NTRK3: variants seen among roughly 807,000 people sequenced by gnomAD.
NTRK3 encodes neurotrophic receptor tyrosine kinase 3, also known as NT-3 growth factor receptor.
A neutral mutation model predicts 91.7 loss-of-function variants in NTRK3; 24 were observed. The ratio of observed to expected loss-of-function variants is 0.26; its 90% CI spans 0.19 to 0.37. The LOEUF is 0.37. NTRK3 is among the 10% of genes least tolerant of loss of function. The probability of loss-of-function intolerance (pLI) is 1.00; values close to 1 mark genes in which losing one functional copy is unlikely to be tolerated. For synonymous variants in NTRK3, 483 were observed against 404.0 expected, an observed-to-expected ratio of 1.20 and a Z score of -2.34; for missense variants, 880 against 1,068.9, an observed-to-expected ratio of 0.82 and a Z score of 2.46.
chr15:87,981,124 C>T (rs201478127), intron 14 of NTRK3: 76 of 1,538,380 alleles, frequency 4.9e-5, no homozygotes, highest in East Asian at 7.4e-5. Flanking sequence ...CCTCAGTCCA[C>T]GAAATATATG....
At chr15:87,894,680 G>T (rs2141597006) in intron 17 of NTRK3, among the ~76,000 whole-genome samples, 1 of 152,276 alleles carries the variant, frequency 6.6e-6, no homozygotes, top group Middle Eastern at 3.4e-3. Flanking sequence ...TTCCTGGAAT[G>T]AACCTTTCTC....
chr15:87,919,346 G>A (rs185147312), intron 17 of NTRK3, among the ~76,000 whole-genome samples: 7 of 152,276 alleles, frequency 4.6e-5, no homozygotes, highest in Non-Finnish European at 7.4e-5. Flanking sequence ...CCACTGCAGG[G>A]AGAATTCACA....
At chr15:88,191,442 C>T (rs2047382918) in intron 3 of NTRK3, among the ~76,000 whole-genome samples, 1 of 152,162 alleles carries the variant, frequency 6.6e-6, no homozygotes, top group South Asian at 2.1e-4. Context: ...CCTGCCTAGG[C>T]CTCCGGATGT....
At chr15:88,057,573 G>A (rs2045834769) in intron 13 of NTRK3, among the ~76,000 whole-genome samples, 1 of 152,184 alleles carries the variant, frequency 6.6e-6, no homozygotes, top group South Asian at 2.1e-4. Flanking sequence ...ATTCCAGAAG[G>A]TGGAGCAACG....
chr15:88,046,663 AG>A (rs3837702), intron 13 of NTRK3, among the ~76,000 whole-genome samples: 2 of 152,086 alleles, frequency 1.3e-5, no homozygotes, highest in East Asian at 1.9e-4. Context: ...CCGTTTTCTC[AG>A]GGGGGGTCAC....
At chr15:88,022,308 C>T (rs960739503) in intron 14 of NTRK3, among the ~76,000 whole-genome samples, 3 of 152,100 alleles carry the variant, frequency 2.0e-5, no homozygotes, top group Admixed American at 6.5e-5. Flanking sequence ...AGGAGAAGCA[C>T]CAAAAAACCC....
At chr15:88,061,182 G>GA (rs199728228) in intron 13 of NTRK3, among the ~76,000 whole-genome samples, 10 of 150,598 alleles carry the variant, frequency 6.6e-5, no homozygotes, top group South Asian at 2.1e-4. Flanking sequence ...CCAACTAAAA[G>GA]AAAAAAAACA....
At chr15:88,073,646 A>G (rs1293849589) in intron 13 of NTRK3, among the ~76,000 whole-genome samples, 2 of 152,192 alleles carry the variant, frequency 1.3e-5, no homozygotes, top group Non-Finnish European at 2.9e-5. Flanking sequence ...TGGAGATTCT[A>G]TAACTCATTA....
At chr15:87,966,477 C>T (rs2072805253) in intron 14 of NTRK3, among the ~76,000 whole-genome samples, 1 of 152,210 alleles carries the variant, frequency 6.6e-6, no homozygotes. Context: ...TTCCATCCCA[C>T]AGTGAAAGGG....
At chr15:87,983,184 A>G (rs1001448756) in intron 14 of NTRK3, among the ~76,000 whole-genome samples, 8 of 152,250 alleles carry the variant, frequency 5.3e-5, no homozygotes, top group Non-Finnish European at 8.8e-5. Flanking sequence ...TAGCACTGAC[A>G]TAGCACTGGC....
At chr15:88,149,987 C>A (rs775098461) in intron 5 of NTRK3, among the ~76,000 whole-genome samples, 1 of 152,192 alleles carries the variant, frequency 6.6e-6, no homozygotes, top group African/African-American at 2.4e-5. Flanking sequence ...GTAATCCCTG[C>A]GGCACTTTGG....
Position 88,017,147 on chromosome 15 carries a change from G to A in NTRK3, c.1585+15710C>T, listed in dbSNP as rs187884544. Among the ~76,000 whole-genome samples, 314 of 152,280 alleles carry A rather than the reference G, an allele frequency of 2.1e-3. 3 individuals are homozygous for A. Among genetic ancestry groups the A allele is most frequent in the African/African-American group, 7.1e-3 (297 of 41,556 alleles). Reference sequence around the variant, plus strand: ...CCAGAGGGAAAGAAATATAAGGTGAGTGATTTGGGGTGTGCTGGGAGGTCT... The same window carrying A: ...CCAGAGGGAAAGAAATATAAGGTGAATGATTTGGGGTGTGCTGGGAGGTCT... On this transcript the variant is annotated intron_variant, in intron 14 of 18. Coordinates refer to ENST00000394480, the Ensembl canonical transcript of NTRK3.
chr15:87,870,217 C>CAA (rs1491580039), exon 19 of NTRK3: 1 of 183,064 alleles, frequency 5.5e-6, no homozygotes, highest in African/African-American at 2.4e-5. Context: ...CACACACACA[C>CAA]AAACATATAT....
intron 3 of NTRK3, among the ~76,000 whole-genome samples, chr15:88,232,104 G>C (rs1178133330): frequency 1.3e-5 from 2 of 152,054 alleles, no homozygotes; most frequent in African/African-American, 4.8e-5. Context: ...CCAGGTGATG[G>C]GGGATCTTGC....
chr15:88,119,399 A>T (rs1418458679), intron 13 of NTRK3, among the ~76,000 whole-genome samples: 2 of 152,150 alleles, frequency 1.3e-5, no homozygotes, highest in Non-Finnish European at 2.9e-5. Flanking sequence ...TCTGCTACAA[A>T]CCTAACCTCT....
rs1321324901 is a variant in NTRK3, at chr15:88,137,326, AG to A, written c.622+77del. On this transcript the variant is annotated intron_variant, in intron 7 of 18. Coordinates refer to ENST00000394480, the Ensembl canonical transcript of NTRK3. ...TCGAAAGGAAGGCTCTGGCATCCCA[AG>A]GTAACGTCCAGCACCATCTCTGGTG... 1.9e-6 allele frequency: 3 copies of A among 1,558,022 alleles called. No homozygotes were observed. The African/African-American group carries it at 4.1e-5, about 21-fold the overall frequency.
chr15:88,091,189 AG>A (rs2048983832), intron 13 of NTRK3, among the ~76,000 whole-genome samples: 1 of 152,132 alleles, frequency 6.6e-6, no homozygotes, highest in Non-Finnish European at 1.5e-5. Flanking sequence ...AAGGGGAAAA[AG>A]GTTAGACCTT....
intron 3 of NTRK3, among the ~76,000 whole-genome samples, chr15:88,198,953 T>A (rs1942121178): frequency 6.6e-6 from 1 of 152,172 alleles, no homozygotes; most frequent in African/African-American, 2.4e-5. Context: ...TGGCCCCCTG[T>A]TTCTCAGTCA....
chr15:87,891,025 T>A (rs1476533697), intron 17 of NTRK3, among the ~76,000 whole-genome samples: 1 of 152,226 alleles, frequency 6.6e-6, no homozygotes, highest in Non-Finnish European at 1.5e-5. Context: ...TAATTTTATG[T>A]TTGTGTTCTT....
Sources: gnomAD v4.1 joint callset for allele counts (sites outside exome capture counted in the v4.1 genomes callset) on GRCh38, gnomAD v4.1.1 for gene constraint, MANE v1.5 for transcripts, NCBI Gene and HGNC (gene_info 2026-07-23, HGNC 2026-07-21) for gene names.